The following DYSF variants were observed in gnomAD, a reference collection of about 807,000 sequenced individuals.
The protein encoded by DYSF is dystrophy-associated fer-1-like 1.
A neutral mutation model predicts 274.9 loss-of-function variants in DYSF; 212 were observed. The ratio of observed to expected loss-of-function variants is 0.77; its 90% confidence interval spans 0.69 to 0.86. The LOEUF is 0.86. Ranked by LOEUF, DYSF falls within the 40% of genes least tolerant of loss-of-function variation. DYSF has a pLI of 0.00. For synonymous variants in DYSF, 1,091 were observed against 1,078.7 expected, an observed-to-expected ratio of 1.01 and a Z score of -0.22; for missense variants, 2,666 against 2,783.2, an observed-to-expected ratio of 0.96 and a Z score of 0.95.
chr2:71,478,595 GTTTTATAGTGGCCTGTGA>G (rs1487483093), intron 1 of DYSF, among the ~76,000 whole-genome samples: 2 of 152,098 alleles, frequency 1.3e-5, no homozygotes, highest in Non-Finnish European at 2.9e-5. Context: ...GGAAATAAGT[GTTTTATAGTGGCCTGTGA>G]TTTCAAATTT....
rs959462064 is a variant in DYSF at position 71,686,624 on chromosome 2, C to G, written c.*132C>G. On this transcript the variant is annotated 3_prime_UTR_variant, in exon 56 of 56. Coordinates refer to ENST00000410020, the MANE Select transcript of DYSF (RefSeq NM_001130987.2). ...TGTCCTGCCAGGGTGGGCAGACAGA[C>G]AGATGGACCGGCCCACACTCCCAGA... 1 of 1,054,418 alleles carries G rather than the reference C, an allele frequency of 9.5e-7. No homozygotes were observed. Among genetic ancestry groups the G allele is most frequent in the Non-Finnish European group, 1.5e-6 (1 of 683,656 alleles). The allele number at this position is 1,054,418 out of a possible 1,614,324, so 65.3% of individuals were successfully genotyped here. A position where few individuals can be genotyped will look rare whatever the true frequency, so the allele number is the denominator to read the frequency against.
chr2:71,618,567 T>TGTGTGGGGTAGAGTTGTGTGTGTG (rs2093995870), intron 40 of DYSF, among the ~76,000 whole-genome samples: 6 of 14,974 alleles, frequency 4.0e-4, no homozygotes, highest in Admixed American at 6.2e-4. Flanking sequence ...GGAGTGTGTG[T>TGTGTGGGGTAGAGTTGTGTGTGTG]TTGTGTGGGG....
At chr2:71,568,568 T>A (rs2092249818) in intron 26 of DYSF, among the ~76,000 whole-genome samples, 1 of 152,000 alleles carries the variant, frequency 6.6e-6, no homozygotes, top group Non-Finnish European at 1.5e-5. Flanking sequence ...AAAAAAATTT[T>A]TTTTTTTTTT....
chr2:71,644,791 C>T lies in DYSF; in HGVS notation c.4626+728C>T, dbSNP rs151117965. Reference sequence around the variant, plus strand: ...TTGCATGGTCTCCTGGCTAGGGTTGCCAGTTAAAATTCAGGATGCCCAGTC... The same window carrying T: ...TTGCATGGTCTCCTGGCTAGGGTTGTCAGTTAAAATTCAGGATGCCCAGTC... On this transcript the variant is annotated intron_variant, in intron 42 of 55. Transcript: ENST00000410020. 5.7e-3 allele frequency among the ~76,000 whole-genome samples: 874 copies of T among 152,266 alleles called. 8 individuals are homozygous for T. Among genetic ancestry groups the T allele is most frequent in the African/African-American group, 0.02 (848 of 41,534 alleles).
At chr2:71,634,322 G>A (rs752333757) in intron 41 of DYSF, among the ~76,000 whole-genome samples, 1 of 152,244 alleles carries the variant, frequency 6.6e-6, no homozygotes, top group Non-Finnish European at 1.5e-5. Context: ...CATTTGGAAT[G>A]AGAAAACATA....
At chr2:71,568,126 G>A in intron 25 of DYSF, 44 bp downstream of exon 25, 2 of 1,614,208 alleles carry the variant, frequency 1.2e-6, no homozygotes, top group Non-Finnish European at 1.7e-6. Context: ...ACTACCTGGA[G>A]CTGCCTTGGC....
intron 29 of DYSF, among the ~76,000 whole-genome samples, chr2:71,571,831 C>G (rs1426322116): frequency 1.3e-4 from 19 of 143,364 alleles, no homozygotes; most frequent in African/African-American, 3.9e-4. Flanking sequence ...ACACATCACA[C>G]CCAGCACATG....
intron 17 of DYSF, among the ~76,000 whole-genome samples, chr2:71,546,155 GC>G (rs2090451370): frequency 6.6e-6 from 1 of 152,226 alleles, no homozygotes; most frequent in African/African-American, 2.4e-5. Context: ...TTGAGGTCGG[GC>G]CCTTGCCTTG....
chr2:71,490,816 C>T (rs934333894), intron 3 of DYSF, among the ~76,000 whole-genome samples: 11 of 152,098 alleles, frequency 7.2e-5, no homozygotes, highest in East Asian at 1.9e-4. Flanking sequence ...TGGTATTCCG[C>T]GGTATGTGTG....
At chr2:71,458,944 A>G (rs2081175984) in intron 1 of DYSF, among the ~76,000 whole-genome samples, 1 of 152,190 alleles carries the variant, frequency 6.6e-6, no homozygotes, top group Admixed American at 6.5e-5. Flanking sequence ...TGTTTCCACT[A>G]TGCACGATTT....
chr2:71,546,257 C>T (rs546612986), intron 17 of DYSF, among the ~76,000 whole-genome samples: 15 of 152,370 alleles, frequency 9.8e-5, no homozygotes, highest in African/African-American at 3.4e-4. Context: ...TGTTTCTCCA[C>T]GTTGTGGGCT....
At chr2:71,522,368 C>G (rs553223339) in intron 12 of DYSF, among the ~76,000 whole-genome samples, 89 of 152,226 alleles carry the variant, frequency 5.8e-4, no homozygotes, top group African/African-American at 2.0e-3. Context: ...AAGGGTCACT[C>G]ATTACCATAG....
chr2:71,602,201 T>G (rs1171598152), intron 35 of DYSF, among the ~76,000 whole-genome samples: 2 of 152,226 alleles, frequency 1.3e-5, no homozygotes, highest in Non-Finnish European at 2.9e-5. Flanking sequence ...ACATGCCAAG[T>G]TCAGCTGCAT....
Position 71,579,157 on chromosome 2 carries a change from G to A in DYSF, c.3402+4786G>A, listed in dbSNP as rs151011025. On this transcript the variant is annotated intron_variant, in intron 30 of 55. Coordinates refer to ENST00000410020, the MANE Select transcript of DYSF (RefSeq NM_001130987.2). ...TCCCACCCAGTCACCCCCTCCTGACGCCACCGGCCTCTCTGGGAACTCTGG... is the reference window on the plus strand; with the variant it reads ...TCCCACCCAGTCACCCCCTCCTGACACCACCGGCCTCTCTGGGAACTCTGG... Among the ~76,000 whole-genome samples the A allele has an allele frequency of 2.6e-4, 40 of 152,140 alleles. No homozygotes were observed. In the East Asian group the frequency reaches 3.9e-3, roughly 15 times the overall value.
intron 14 of DYSF, among the ~76,000 whole-genome samples, chr2:71,532,219 T>A (rs1270783557): frequency 6.6e-6 from 1 of 152,250 alleles, no homozygotes; most frequent in African/African-American, 2.4e-5. Flanking sequence ...TTTCCTCTTT[T>A]ATAAACAACA....
chr2:71,643,836 C>T, intron 41 of DYSF, 129 bp from the exon 42 acceptor site: 2 of 742,302 alleles, frequency 2.7e-6, no homozygotes, highest in South Asian at 1.5e-5. Flanking sequence ...TCTCTGCTCC[C>T]CCACATCACC....
exon 1 of DYSF, chr2:71,453,964 C>G (rs1330939831): frequency 2.5e-6 from 4 of 1,611,170 alleles, no homozygotes; most frequent in Middle Eastern, 1.7e-4. Flanking sequence ...GCCCTCTTTG[C>G]GCCCTGGGCG....
chr2:71,667,941 A>G (rs1363044326), intron 48 of DYSF, among the ~76,000 whole-genome samples: 1 of 151,952 alleles, frequency 6.6e-6, no homozygotes, highest in East Asian at 1.9e-4. Context: ...CTATGACCAA[A>G]TGACAAAGCC....
intron 3 of DYSF, among the ~76,000 whole-genome samples, chr2:71,495,787 G>T (rs915188126): frequency 6.6e-6 from 1 of 152,134 alleles, no homozygotes; most frequent in Non-Finnish European, 1.5e-5. Context: ...GGAAGGCCCG[G>T]AGTCACTGGG....
Sources: allele counts gnomAD v4.1 joint callset (sites outside exome capture counted in the v4.1 genomes callset), GRCh38; gene constraint gnomAD v4.1.1; transcripts MANE v1.5; gene names NCBI Gene and HGNC (gene_info 2026-07-23, HGNC 2026-07-21).